The following TRMU variants were observed in gnomAD, a reference collection of about 807,000 sequenced individuals.
TRMU encodes mitochondrial tRNA-specific 2-thiouridylase 1.
In TRMU, 49 loss-of-function variants were observed where a neutral mutation model predicts 46.9. The observed-to-expected ratio is 1.05, with a 90% CI of 0.83 to 1.33. The LOEUF is 1.33. Ranked by LOEUF, TRMU falls within the 40% of genes most tolerant of loss-of-function variation. The pLI, the probability that TRMU is intolerant of heterozygous loss-of-function variation, is 0.00. For synonymous variants in TRMU, 241 were observed against 200.9 expected (o/e 1.20, Z -1.69); for missense variants, 572 against 532.4 (o/e 1.07, Z -0.73).
intron 2 of TRMU, among the ~76,000 whole-genome samples, 191 bp from the exon 3 acceptor site, chr22:46,343,071 C>T (rs968101923): frequency 1.3e-5 from 2 of 152,242 alleles, no homozygotes; most frequent in Non-Finnish European, 2.9e-5. Flanking sequence ...CAGAGAATAA[C>T]ACCTTGTCGG....
At chr22:46,354,088 C>A (rs2078521254) in intron 8 of TRMU, 8 of 509,430 alleles carry the variant, frequency 1.6e-5, no homozygotes, top group South Asian at 1.4e-4. Flanking sequence ...GTCTCTTAAT[C>A]ATCCCTGAAC....
At position 46,348,716 on chromosome 22, in the gene TRMU, T is replaced by C. The variant is rs1389749276; in HGVS notation, c.479-1575T>C. Among the ~76,000 whole-genome samples, 1 of 152,268 alleles carries C rather than the reference T, an allele frequency of 6.6e-6. No homozygotes were observed. Among genetic ancestry groups the C allele is most frequent in the African/African-American group, 2.4e-5 (1 of 41,474 alleles). The stretch of plus-strand genomic sequence containing the variant: ...AGTTAGGGTCGCCAGCTTGCTTTTT[T>C]GAAAATCATAGATTTTTAGTTTGTT... On this transcript the variant is annotated intron_variant, in intron 4 of 10. Transcript: ENST00000645190. This position sits in a 1 kb window ranked among gnomAD's most constrained non-coding sequence, Gnocchi z 4.8.
At chr22:46,354,134 A>G (rs2078522789) in intron 8 of TRMU, 1 of 406,768 alleles carries the variant, frequency 2.5e-6, no homozygotes, top group Non-Finnish European at 4.7e-6. Context: ...AATTTTATGA[A>G]AGAGGACAGC....
intron 3 of TRMU, among the ~76,000 whole-genome samples, chr22:46,344,658 A>C (rs1055841929): frequency 2.6e-5 from 4 of 152,190 alleles, no homozygotes; most frequent in African/African-American, 4.8e-5. Context: ...GCTGTCAGGC[A>C]CGCTGTGGAA....
chr22:46,346,317 C>T (rs985349782), intron 3 of TRMU, 105 bp from the exon 4 acceptor site: 1 of 1,434,402 alleles, frequency 7.0e-7, no homozygotes, highest in Non-Finnish European at 9.3e-7. Context: ...GCCCCTCAGC[C>T]TAAGACTTGG....
chr22:46,336,106 A>T lies in TRMU; in HGVS notation c.82+260A>T. The T allele has an allele frequency of 7.4e-7, 1 of 1,349,452 alleles. No individual in the cohort carries two copies. Among genetic ancestry groups the T allele is most frequent in the Non-Finnish European group, 9.5e-7 (1 of 1,052,082 alleles). The allele number at this position is 1,349,452 out of a possible 1,614,324, so 83.6% of individuals were successfully genotyped here. A position where few individuals can be genotyped will look rare whatever the true frequency, so the allele number is the denominator to read the frequency against. ...TCTCCACCCACGCGCGCCCACCCAC[A>T]GTGAGAAGCCGGCGGGCCGGGGTGG... On this transcript the variant is annotated intron_variant, in intron 1 of 10. Transcript: ENST00000645190. The surrounding 1 kb of genome is among the most constrained non-coding windows in gnomAD (Gnocchi z 4.1).
chr22:46,349,117 G>T lies in TRMU; in HGVS notation c.479-1174G>T, dbSNP rs1056393093. Among the ~76,000 whole-genome samples the T allele has an allele frequency of 1.3e-5, 2 of 150,402 alleles. No individual in the cohort carries two copies. Among genetic ancestry groups the T allele is most frequent in the African/African-American group, 2.5e-5 (1 of 40,688 alleles). ...TGTGCCACTGCACTCCAGCCTGGGC[G>T]ACAGAGCGAGACTCCATCTCAAAAA... On this transcript the variant is annotated intron_variant, in intron 4 of 10. Coordinates refer to ENST00000645190, the MANE Select transcript of TRMU (RefSeq NM_018006.5). The surrounding 1 kb of genome is among the most constrained non-coding windows in gnomAD (Gnocchi z 4.6).
At position 46,346,474 on chromosome 22, in the gene TRMU, A is replaced by G; in HGVS notation, c.408A>G (p.Glu136=). The G allele has an allele frequency of 1.2e-6, 2 of 1,613,712 alleles. No homozygotes were observed. The highest frequency in any genetic ancestry group is 1.7e-4 in the Middle Eastern group (1 of 6,054). The change falls in exon 4 of 11, where the codon GAA becomes GAG. Residue 136 remains glutamate (E), a synonymous_variant. Transcript: ENST00000645190. ...GHYARTSLED[E]EVFEQKHVKK... is the part of the protein sequence containing the mutation. ...ATGCAAGAACTTCCCTGGAAGATGA[A>G]GAAGTCTTTGAGCAGAAGCACGTTA...
At position 46,336,689 on chromosome 22, in the gene TRMU, T is replaced by C. The variant is rs2077987941; in HGVS notation, c.82+843T>C. ...GAGGTACGCAGAAAACAGTAGTGGC[T>C]ATTAGTTTATATTGTTAATAACCAT... On this transcript the variant is annotated intron_variant, in intron 1 of 10. Coordinates refer to ENST00000645190, the MANE Select transcript of TRMU (RefSeq NM_018006.5). The surrounding 1 kb of genome is among the most constrained non-coding windows in gnomAD (Gnocchi z 4.1). 1 of 152,264 alleles carries C rather than the reference T, an allele frequency of 6.6e-6. No individual in the cohort carries two copies. Among genetic ancestry groups the C allele is most frequent in the Non-Finnish European group, 1.5e-5 (1 of 68,072 alleles). 9.4% of individuals were successfully genotyped at this position (152,264 alleles called of 1,614,324 possible). A position where few individuals can be genotyped will look rare whatever the true frequency, so the allele number is the denominator to read the frequency against.
At position 46,356,180 on chromosome 22, in the gene TRMU, C is replaced by T. The variant is rs556916803; in HGVS notation, c.1101+108C>T. On this transcript the variant is annotated intron_variant, in intron 10 of 10. Transcript: ENST00000645190. Reference sequence around the variant, plus strand: ...CTGAGGCCCAGGAGTAGGGTGTGCTCGGGTCACACAGCTGGTGAGGGCAGA... The same window carrying T: ...CTGAGGCCCAGGAGTAGGGTGTGCTTGGGTCACACAGCTGGTGAGGGCAGA... 324 of 1,277,926 alleles carry T rather than the reference C, an allele frequency of 2.5e-4. 7 individuals are homozygous for T. The South Asian group carries it at 3.5e-3, about 14-fold the overall frequency. The allele number at this position is 1,277,926 out of a possible 1,614,324, so 79.2% of individuals were successfully genotyped here.
rs1218321475 is a variant in TRMU at position 46,357,177 on chromosome 22, A to G, written c.*171A>G. On this transcript the variant is annotated 3_prime_UTR_variant, in exon 11 of 11. Transcript: ENST00000645190. ...CCCGGCGAGCCCCAGGAAGAGCCTC[A>G]GCTCCAGGCTGGGGCTCTGGCTGCT... 4 of 865,648 alleles carry G rather than the reference A, an allele frequency of 4.6e-6. No homozygotes were observed. The highest frequency in any genetic ancestry group is 2.2e-5 in the Admixed American group (1 of 44,832). The allele number at this position is 865,648 out of a possible 1,614,324, so 53.6% of individuals were successfully genotyped here. A position where few individuals can be genotyped will look rare whatever the true frequency, so the allele number is the denominator to read the frequency against.
At chr22:46,355,148 G>A in intron 8 of TRMU, 1 of 526,922 alleles carries the variant, frequency 1.9e-6, no homozygotes, top group East Asian at 3.3e-5. Flanking sequence ...GAGGGCCTGA[G>A]TCAGACTTGA....
chr22:46,338,473 G>T lies in TRMU; in HGVS notation c.248+529G>T, dbSNP rs1406349761. ...TTCACTGTGACCTGGCTCTGTAGGAGTTTGCGGTCTAGTTGGGAGGACATT... is the reference window on the plus strand; with the variant it reads ...TTCACTGTGACCTGGCTCTGTAGGATTTTGCGGTCTAGTTGGGAGGACATT... On this transcript the variant is annotated intron_variant, in intron 2 of 10. Transcript: ENST00000645190. This position sits in a 1 kb window ranked among gnomAD's most constrained non-coding sequence, Gnocchi z 4.5. 6.6e-6 allele frequency among the ~76,000 whole-genome samples: 1 copy of T among 152,262 alleles called. No individual in the cohort carries two copies. The highest frequency in any genetic ancestry group is 2.4e-5 in the African/African-American group (1 of 41,470).
Position 46,335,810 on chromosome 22 carries a change from G to A in TRMU, c.46G>A (p.Asp16Asn). 1 of 1,560,176 alleles carries A rather than the reference G, an allele frequency of 6.4e-7. No individual in the cohort carries two copies. The highest frequency in any genetic ancestry group is 8.6e-7 in the Non-Finnish European group (1 of 1,158,214). The change falls in exon 1 of 11, where the codon GAC becomes AAC. Residue 16 changes from aspartate to asparagine, a missense_variant. Physicochemically the swap from Asp to Asn is conservative, Grantham distance 23 (BLOSUM62 1). Transcript: ENST00000645190. Reference protein sequence around the residue: ...HVVCALSGGVDSAVAALLLRR... With the variant: ...HVVCALSGGVNSAVAALLLRR... ...CGTGTGCGCCCTGTCCGGCGGCGTGGACAGCGCCGTGGCCGCGCTGCTGCT... is the reference window on the plus strand; with the variant it reads ...CGTGTGCGCCCTGTCCGGCGGCGTGAACAGCGCCGTGGCCGCGCTGCTGCT...
At chr22:46,352,792 C>T in intron 7 of TRMU, 1 of 295,868 alleles carries the variant, frequency 3.4e-6, no homozygotes, top group South Asian at 3.4e-5. Context: ...CAGACCCTTA[C>T]TGCGGTGAGG....
chr22:46,350,550 C>T lies in TRMU; in HGVS notation c.651+87C>T, dbSNP rs114042113. The T allele has an allele frequency of 0.026, 39,307 of 1,506,908 alleles. 638 individuals are homozygous for T. The highest frequency in any genetic ancestry group is 0.03 in the Non-Finnish European group (33,099 of 1,088,100). 93.3% of individuals were successfully genotyped at this position (1,506,908 alleles called of 1,614,324 possible). On this transcript the variant is annotated intron_variant, in intron 5 of 10. Coordinates refer to ENST00000645190, the MANE Select transcript of TRMU (RefSeq NM_018006.5). The surrounding 1 kb of genome is among the most constrained non-coding windows in gnomAD (Gnocchi z 4.6). ...AGCAGCTGGACCTGTGGGTCCCGCACCACTTCCCCTTCTCCAGGACCTAAC... is the reference window on the plus strand; with the variant it reads ...AGCAGCTGGACCTGTGGGTCCCGCATCACTTCCCCTTCTCCAGGACCTAAC...
rs1345573986 is a variant in TRMU, at chr22:46,357,259, G to C, written c.*253G>C. The stretch of plus-strand genomic sequence containing the variant: ...GTTCCCCTTCACCGCCCCCAGGGAG[G>C]GTTTCCCACCTCAGAGTACACCGAG... On this transcript the variant is annotated 3_prime_UTR_variant, in exon 11 of 11. Transcript: ENST00000645190. The C allele has an allele frequency of 5.1e-6, 3 of 585,020 alleles. No homozygotes were observed. 36.2% of individuals were successfully genotyped at this position (585,020 alleles called of 1,614,324 possible). A position where few individuals can be genotyped will look rare whatever the true frequency, so the allele number is the denominator to read the frequency against.
chr22:46,355,144 C>T (rs1323677882), intron 8 of TRMU: 3 of 519,066 alleles, frequency 5.8e-6, no homozygotes, highest in South Asian at 4.3e-5. Flanking sequence ...GGTAGAGGGC[C>T]TGAGTCAGAC....
intron 7 of TRMU, 59 bp downstream of exon 7, chr22:46,352,389 T>C (rs2078458528): frequency 1.9e-6 from 3 of 1,585,322 alleles, no homozygotes; most frequent in Non-Finnish European, 2.6e-6. Context: ...GCGTTTCAGC[T>C]CTGGGAGACT....
Sources: gnomAD v4.1 joint callset for allele counts (sites outside exome capture counted in the v4.1 genomes callset) on GRCh38, gnomAD v4.1.1 for gene constraint, Gnocchi (gnomAD v3.1) non-coding constraint, MANE v1.5 for transcripts, NCBI Gene and HGNC (gene_info 2026-07-23, HGNC 2026-07-21) for gene names.